The following ANK1 variants were observed in gnomAD, a reference collection of about 807,000 sequenced individuals.
ANK1 encodes ankyrin 1.
Under a neutral mutation model 210.4 loss-of-function variants are expected in ANK1, and 51 were observed. That is an observed-to-expected ratio of 0.24 (90% CI 0.19 to 0.31). The LOEUF (loss-of-function observed/expected upper bound fraction) is 0.31, where lower values mean the gene tolerates loss of function less well. Among genes scored for constraint, ANK1 ranks in the 10% least tolerant of loss-of-function variants. ANK1 has a pLI of 1.00. For synonymous variants in ANK1, 967 were observed against 1,025.9 expected, an observed-to-expected ratio of 0.94 and a Z score of 1.10; for missense variants, 2,051 against 2,504.4, an observed-to-expected ratio of 0.82 and a Z score of 3.86.
intron 1 of ANK1, among the ~76,000 whole-genome samples, chr8:41,871,694 T>G (rs576123237): frequency 6.6e-6 from 1 of 152,252 alleles, no homozygotes; most frequent in South Asian, 2.1e-4. Context: ...CCAGCCTCCA[T>G]GAGAGGGAGA....
intron 9 of ANK1, among the ~76,000 whole-genome samples, chr8:41,722,802 G>T (rs185533365): frequency 2.6e-5 from 4 of 152,124 alleles, no homozygotes; most frequent in Non-Finnish European, 5.9e-5. Flanking sequence ...ATTGGAACAC[G>T]GGCCCTAGTT....
chr8:41,695,025 T>A, intron 27 of ANK1, 152 bp downstream of exon 27: 1 of 1,152,052 alleles, frequency 8.7e-7, no homozygotes, highest in Non-Finnish European at 1.3e-6. Flanking sequence ...CTCTCACACA[T>A]CCTGGGGACC....
chr8:41,756,443 C>A (rs1350281298), intron 2 of ANK1, among the ~76,000 whole-genome samples: 3 of 148,030 alleles, frequency 2.0e-5, no homozygotes, highest in Admixed American at 6.8e-5. Flanking sequence ...CGCGCCCGGT[C>A]TATTTTATTT....
chr8:41,818,884 A>G (rs1803753053), intron 1 of ANK1, among the ~76,000 whole-genome samples: 1 of 152,184 alleles, frequency 6.6e-6, no homozygotes, highest in Admixed American at 6.5e-5. Context: ...TGCCTAAGAC[A>G]CGCCCACAGC....
At chr8:41,763,265 G>A (rs1174391596) in intron 1 of ANK1, among the ~76,000 whole-genome samples, 1 of 151,808 alleles carries the variant, frequency 6.6e-6, no homozygotes, top group African/African-American at 2.4e-5. Context: ...GAGGGTAAGG[G>A]AAGCTCCATA....
intron 6 of ANK1, among the ~76,000 whole-genome samples, 155 bp downstream of exon 6, chr8:41,725,606 G>A (rs1483861430): frequency 6.6e-6 from 1 of 152,300 alleles, no homozygotes; most frequent in South Asian, 2.1e-4. Context: ...GGGCTGTCCA[G>A]GGGCCCCTCT....
At chr8:41,886,345 G>A (rs1390372125) in intron 1 of ANK1, among the ~76,000 whole-genome samples, 1 of 152,180 alleles carries the variant, frequency 6.6e-6, no homozygotes, top group African/African-American at 2.4e-5. Flanking sequence ...ATGGCTGTGG[G>A]GTGGGTATTA....
At position 41,782,663 on chromosome 8, in the gene ANK1, T is replaced by G. The variant is rs913603823; in HGVS notation, c.27+14849A>C. Among the ~76,000 whole-genome samples, 8 of 152,198 alleles carry G rather than the reference T, an allele frequency of 5.3e-5. 1 individual carries two copies. Among genetic ancestry groups the G allele is most frequent in the Admixed American group, 4.6e-4 (7 of 15,278 alleles). ...GTCTCAGATTCTCGCTGAATTGAAT[T>G]CTAAGCATTTTATTTGAATCAAAAT... On this transcript the variant is annotated intron_variant, in intron 1 of 42. Transcript: ENST00000289734.
At chr8:41,867,914 C>T (rs1814779286) in intron 1 of ANK1, among the ~76,000 whole-genome samples, 1 of 152,240 alleles carries the variant, frequency 6.6e-6, no homozygotes, top group Non-Finnish European at 1.5e-5. Flanking sequence ...GGCTGGAGTA[C>T]AGCGGTGCAA....
chr8:41,862,318 G>A (rs972113494), intron 1 of ANK1, among the ~76,000 whole-genome samples: 4 of 152,148 alleles, frequency 2.6e-5, no homozygotes, highest in Non-Finnish European at 5.9e-5. Flanking sequence ...GGAAAGCTAT[G>A]CCTCAAGGCT....
chr8:41,863,404 A>G (rs937636243), intron 1 of ANK1, among the ~76,000 whole-genome samples: 17 of 152,198 alleles, frequency 1.1e-4, no homozygotes, highest in African/African-American at 3.9e-4. Flanking sequence ...ATTCATTTTC[A>G]TTATAGAGAA....
At chr8:41,724,786 T>C (rs1467635858) in intron 6 of ANK1, among the ~76,000 whole-genome samples, 1 of 152,156 alleles carries the variant, frequency 6.6e-6, no homozygotes, top group Non-Finnish European at 1.5e-5. Flanking sequence ...TCAGACTCTG[T>C]GGGCCCGTTC....
At chr8:41,826,106 C>G (rs10504044) in intron 1 of ANK1, among the ~76,000 whole-genome samples, 51,477 of 151,994 alleles carry the variant, frequency 0.34, 9,542 homozygotes, top group Non-Finnish European at 0.41. Flanking sequence ...AATGTCAGAA[C>G]TAGGAAATGT....
intron 20 of ANK1, among the ~76,000 whole-genome samples, chr8:41,702,478 A>C (rs1023413667): frequency 2.0e-5 from 3 of 152,144 alleles, no homozygotes; most frequent in Non-Finnish European, 4.4e-5. Context: ...GGAGGTCAGG[A>C]AGTTGCCAGA....
chr8:41,671,398 G>A (rs908502835), intron 38 of ANK1, among the ~76,000 whole-genome samples: 5 of 152,120 alleles, frequency 3.3e-5, no homozygotes. Flanking sequence ...GCCTTCAACC[G>A]GAAGCACGCA....
chr8:41,653,944 G>C lies in ANK1; in HGVS notation c.*1846C>G, dbSNP rs1366868651. 1 of 152,192 alleles carries C rather than the reference G, an allele frequency of 6.6e-6. No homozygotes were observed. The highest frequency in any genetic ancestry group is 1.5e-5 in the Non-Finnish European group (1 of 68,014). 9.4% of individuals were successfully genotyped at this position (152,192 alleles called of 1,614,324 possible). On this transcript the variant is annotated 3_prime_UTR_variant, in exon 43 of 43. Coordinates refer to ENST00000289734, the MANE Select transcript of ANK1 (RefSeq NM_000037.4). ...CCGCCCCGGGGCCTGCCTGGCCGGGGGTGCACCGGGGCGGATTTGTGTGGG... is the reference window on the plus strand; with the variant it reads ...CCGCCCCGGGGCCTGCCTGGCCGGGCGTGCACCGGGGCGGATTTGTGTGGG...
chr8:41,704,942 G>C lies in ANK1; in HGVS notation c.2098-470C>G, dbSNP rs1354879685. On this transcript the variant is annotated intron_variant, in intron 18 of 42. Coordinates refer to ENST00000289734, the MANE Select transcript of ANK1 (RefSeq NM_000037.4). This position sits in a 1 kb window ranked among gnomAD's most constrained non-coding sequence, Gnocchi z 4.1. ...TGAGATGAGGGCAGATGGGGATGTG[G>C]AGTCATGGTCACTCCAATGACAACA... Among the ~76,000 whole-genome samples, 1 of 152,172 alleles carries C rather than the reference G, an allele frequency of 6.6e-6. No individual in the cohort carries two copies. Among genetic ancestry groups the C allele is most frequent in the Non-Finnish European group, 1.5e-5 (1 of 68,032 alleles).
At chr8:41,735,195 G>A (rs1164049977) in intron 2 of ANK1, among the ~76,000 whole-genome samples, 1 of 152,186 alleles carries the variant, frequency 6.6e-6, no homozygotes, top group Non-Finnish European at 1.5e-5. Flanking sequence ...GCCCTGAAAG[G>A]TCTTGAAACT....
chr8:41,727,510 G>T (rs1831017875), intron 4 of ANK1, among the ~76,000 whole-genome samples, 162 bp from the exon 5 acceptor site: 1 of 152,018 alleles, frequency 6.6e-6, no homozygotes, highest in Non-Finnish European at 1.5e-5. Context: ...TGGCGTCCTG[G>T]GATTATTACA....
Sources: allele counts gnomAD v4.1 joint callset (sites outside exome capture counted in the v4.1 genomes callset), GRCh38; gene constraint gnomAD v4.1.1; non-coding constraint Gnocchi (gnomAD v3.1); transcripts MANE v1.5; gene names NCBI Gene and HGNC (gene_info 2026-07-23, HGNC 2026-07-21).